Variants in PLCD1 observed in about 807,000 individuals in gnomAD.
The protein encoded by PLCD1 is phospholipase C delta 1, also known as 1-phosphatidylinositol 4,5-bisphosphate phosphodiesterase delta-1.
PLCD1 carries 71 observed loss-of-function variants against 87.4 expected under a neutral mutation model. That is an observed-to-expected ratio of 0.81 (90% CI 0.67 to 0.99). The LOEUF is 0.99. PLCD1 is among the 50% of genes least tolerant of loss of function. The pLI is 0.00. For synonymous variants in PLCD1, 348 were observed against 399.2 expected (o/e 0.87, Z 1.53); for missense variants, 867 against 1,001.5 (o/e 0.87, Z 1.81).
chr3:38,011,845 T>C (rs958755965), intron 3 of PLCD1, among the ~76,000 whole-genome samples, 172 bp from the exon 4 acceptor site: 1 of 136,896 alleles, frequency 7.3e-6, no homozygotes, highest in African/African-American at 3.0e-5. Flanking sequence ...AAGGGGTCTT[T>C]TTCTATTTGC....
chr3:38,014,647 C>G (rs933244560), intron 3 of PLCD1: 1 of 153,544 alleles, frequency 6.5e-6, no homozygotes, highest in Admixed American at 6.6e-5. Flanking sequence ...TCCACTCTCA[C>G]TGTTTCACTT....
At chr3:38,020,927 T>C (rs1431789778) in intron 1 of PLCD1, among the ~76,000 whole-genome samples, 1 of 152,182 alleles carries the variant, frequency 6.6e-6, no homozygotes, top group Non-Finnish European at 1.5e-5. Flanking sequence ...CAACAAGCTG[T>C]GTGACCTGGG....
chr3:38,028,510 C>T (rs1484152500), intron 1 of PLCD1, among the ~76,000 whole-genome samples: 9 of 152,210 alleles, frequency 5.9e-5, no homozygotes, highest in African/African-American at 2.2e-4. Context: ...TCTTTCCCAT[C>T]TATTATGTCC....
rs192689498 is a variant in PLCD1, at chr3:38,009,177, C to G, written c.1607-19G>C. 1 of 1,613,210 alleles carries G rather than the reference C, an allele frequency of 6.2e-7. No homozygotes were observed. The highest frequency in any genetic ancestry group is 2.2e-5 in the East Asian group (1 of 44,872). On this transcript the variant is annotated intron_variant, in intron 10 of 14. Transcript: ENST00000334661. ...CCGTTTCCTGAGGGGAGGTGTGGTT[C>G]GGTCAGCAGTGGAGGCCTCCTGGTG...
intron 1 of PLCD1, among the ~76,000 whole-genome samples, chr3:38,027,055 G>A (rs868049335): frequency 2.6e-5 from 4 of 152,272 alleles, no homozygotes; most frequent in Non-Finnish European, 4.4e-5. Context: ...GGGGCACATC[G>A]GGGGACCTGC....
chr3:38,015,867 C>G (rs1257621686), intron 3 of PLCD1, among the ~76,000 whole-genome samples: 1 of 152,134 alleles, frequency 6.6e-6, no homozygotes, highest in African/African-American at 2.4e-5. Context: ...TTAAAACATC[C>G]AAGACTGGTC....
rs768550752 is a variant in PLCD1 at position 38,008,174 on chromosome 3, A to G, written c.2036-11T>C. 1 of 1,613,662 alleles carries G rather than the reference A, an allele frequency of 6.2e-7. No individual in the cohort carries two copies. The highest frequency in any genetic ancestry group is 8.5e-7 in the Non-Finnish European group (1 of 1,180,038). Reference sequence around the variant, plus strand: ...ACCATGGGTTGAAACCTAGGGGGACAGGCACCATATCAGCAGCATGGACAC... The same window carrying G: ...ACCATGGGTTGAAACCTAGGGGGACGGGCACCATATCAGCAGCATGGACAC... On this transcript the variant is annotated splice_polypyrimidine_tract_variant and intron_variant, in intron 13 of 14. Coordinates refer to ENST00000334661, the MANE Select transcript of PLCD1 (RefSeq NM_006225.4).
chr3:38,019,783 C>T (rs1443957950), intron 2 of PLCD1, among the ~76,000 whole-genome samples: 1 of 152,188 alleles, frequency 6.6e-6, no homozygotes, highest in Non-Finnish European at 1.5e-5. Flanking sequence ...TAGCTCCCAC[C>T]TGGCCACTCA....
In PLCD1 at chr3:38,009,205, G is replaced by A. The variant is rs377648195; in HGVS notation, c.1607-47C>T. On this transcript the variant is annotated intron_variant, in intron 10 of 14. Coordinates refer to ENST00000334661, the MANE Select transcript of PLCD1 (RefSeq NM_006225.4). ...TCAGCAGTGGAGGCCTCCTGGTGAG[G>A]CCCAAGCCCTGCCCTGCCAATTCTC... 2.9e-5 allele frequency: 46 copies of A among 1,612,030 alleles called. No individual in the cohort carries two copies. In the Middle Eastern group the frequency reaches 1.2e-3, roughly 40 times the overall value.
chr3:38,029,337 A>G (rs968301124), intron 1 of PLCD1, among the ~76,000 whole-genome samples, 169 bp downstream of exon 1: 1 of 132,206 alleles, frequency 7.6e-6, no homozygotes, highest in Non-Finnish European at 1.6e-5. Context: ...AGTCCCACCC[A>G]GGGAGCCGCG....
chr3:38,007,667 G>A lies in PLCD1; in HGVS notation c.*106C>T. 2 of 861,852 alleles carry A rather than the reference G, an allele frequency of 2.3e-6. No individual in the cohort carries two copies. Among genetic ancestry groups the A allele is most frequent in the Non-Finnish European group, 3.9e-6 (2 of 514,030 alleles). The allele number at this position is 861,852 out of a possible 1,614,324, so 53.4% of individuals were successfully genotyped here. A position where few individuals can be genotyped will look rare whatever the true frequency, so the allele number is the denominator to read the frequency against. ...ATGTTAGGGCTGAAGGCAATTTGGG[G>A]GCCTAGCTCTGAGCAAGAGGCTGGG... is the stretch of plus-strand genomic sequence containing the variant. On this transcript the variant is annotated 3_prime_UTR_variant, in exon 15 of 15. Transcript: ENST00000334661.
At chr3:38,023,108 G>A (rs1700258598) in intron 1 of PLCD1, among the ~76,000 whole-genome samples, 1 of 152,088 alleles carries the variant, frequency 6.6e-6, no homozygotes, top group East Asian at 1.9e-4. Context: ...TGTTGCAGGT[G>A]CCAGTGGGAA....
Position 38,008,117 on chromosome 3 carries a change from C to T in PLCD1, c.2082G>A (p.Val694=), listed in dbSNP as rs1167900946. The change falls in exon 14 of 15, where the codon GTG becomes GTA. Residue 694 remains valine, a synonymous_variant. Transcript: ENST00000334661. ...WDTEFAFEVV[V]PDLALIRFLV... The stretch of plus-strand genomic sequence containing the variant: ...AGAAGCGGATGAGGGCAAGGTCAGG[C>T]ACAACTACCTCAAACGCAAACTCCG... 6.2e-7 allele frequency: 1 copy of T among 1,614,108 alleles called. No homozygotes were observed. The highest frequency in any genetic ancestry group is 1.7e-5 in the Admixed American group (1 of 60,030).
At position 38,029,626 on chromosome 3, in the gene PLCD1, G is replaced by A. The variant is rs1700343508; in HGVS notation, c.-87C>T. On this transcript the variant is annotated 5_prime_UTR_variant, in exon 1 of 15. Transcript: ENST00000334661. ...GCGGCCTGGGGTCCGAGCGGAGTGC[G>A]GTGCAGGGACCTGAATGGACCGCGG... The A allele has an allele frequency of 4.6e-6, 6 of 1,307,148 alleles. No homozygotes were observed. The Admixed American group carries it at 6.0e-5, about 13-fold the overall frequency. The allele number at this position is 1,307,148 out of a possible 1,614,324, so 81.0% of individuals were successfully genotyped here. A position where few individuals can be genotyped will look rare whatever the true frequency, so the allele number is the denominator to read the frequency against.
chr3:38,008,268 C>G lies in PLCD1; in HGVS notation c.2002G>C (p.Ala668Pro). The part of the protein sequence containing the change: ...VEIHGVSRDV[A>P]SRQTAVITNN... ...GTGATGACAGCAGTCTGGCGGCTGG[C>G]CACGTCCCGGCTCACGCCATGGATC... is the stretch of plus-strand genomic sequence containing the variant. The change falls in exon 13 of 15, where the codon GCC (alanine) becomes CCC (proline). Residue 668 changes from alanine to proline, a missense_variant. Transcript: ENST00000334661. 6.2e-7 allele frequency: 1 copy of G among 1,614,164 alleles called. No individual in the cohort carries two copies. The highest frequency in any genetic ancestry group is 1.3e-5 in the African/African-American group (1 of 75,068).
intron 2 of PLCD1, 123 bp downstream of exon 2, chr3:38,020,065 C>T (rs1018260714): frequency 3.0e-4 from 268 of 907,594 alleles, no homozygotes; most frequent in Non-Finnish European, 3.5e-4. Context: ...ATGACCTATG[C>T]CCCACCAGGC....
At chr3:38,011,470 G>C in intron 4 of PLCD1, 25 bp from the exon 5 acceptor site, 1 of 1,613,672 alleles carries the variant, frequency 6.2e-7, no homozygotes, top group South Asian at 1.1e-5. Flanking sequence ...CAGCCGAGTG[G>C]GCTCAGAGCA....
In PLCD1 at chr3:38,011,643, G is replaced by A. The variant is rs778493683; in HGVS notation, c.459C>T (p.Asp153=). The change falls in exon 4 of 15, where the codon GAC becomes GAT. Residue 153 remains aspartate, a synonymous_variant. Coordinates refer to ENST00000334661, the MANE Select transcript of PLCD1 (RefSeq NM_006225.4). ...AGCTCATCTTGTTGTCCTTGTTTTT[G>A]TCAGCTTTTCGCAAGCAGGAGTGAA... ...HWIHSCLRKA[D]KNKDNKMSFK... 1.2e-6 allele frequency: 2 copies of A among 1,614,180 alleles called. No individual in the cohort carries two copies. Among genetic ancestry groups the A allele is most frequent in the Non-Finnish European group, 1.7e-6 (2 of 1,180,004 alleles).
intron 5 of PLCD1, among the ~76,000 whole-genome samples, 183 bp downstream of exon 5, chr3:38,011,031 C>A (rs1559372466): frequency 6.6e-6 from 1 of 152,224 alleles, no homozygotes; most frequent in South Asian, 2.1e-4. Context: ...GGTAGGGATG[C>A]CAGAGCCCTG....
Sources: gnomAD v4.1 joint callset for allele counts (sites outside exome capture counted in the v4.1 genomes callset) on GRCh38, gnomAD v4.1.1 for gene constraint, MANE v1.5 for transcripts, NCBI Gene and HGNC (gene_info 2026-07-23, HGNC 2026-07-21) for gene names.